STRIP2: variants seen among roughly 807,000 people sequenced by gnomAD.
STRIP2 encodes striatin interacting protein 2, also known as striatin-interacting protein 2.
A neutral mutation model predicts 107.1 loss-of-function variants in STRIP2; 84 were observed. The ratio of observed to expected loss-of-function variants is 0.78; its 90% CI spans 0.66 to 0.94. The LOEUF (loss-of-function observed/expected upper bound fraction) is 0.94, where lower values mean the gene tolerates loss of function less well. Ranked by LOEUF, STRIP2 falls within the 40% of genes least tolerant of loss-of-function variation. The probability of loss-of-function intolerance (pLI) is 0.00; values close to 1 mark genes in which losing one functional copy is unlikely to be tolerated. For synonymous variants in STRIP2, 394 were observed against 400.4 expected (o/e 0.98, Z 0.19); for missense variants, 888 against 1,034.2 (o/e 0.86, Z 1.94).
At position 129,483,521 on chromosome 7, in the gene STRIP2, C is replaced by G; in HGVS notation, c.2254+475C>G. 2 of 184,614 alleles carry G rather than the reference C, an allele frequency of 1.1e-5. No individual in the cohort carries two copies. The highest frequency in any genetic ancestry group is 2.1e-5 in the Non-Finnish European group (2 of 97,382). 11.4% of individuals were successfully genotyped at this position (184,614 alleles called of 1,614,324 possible). A position where few individuals can be genotyped will look rare whatever the true frequency, so the allele number is the denominator to read the frequency against. ...CTATGCATATACATGCATATTTTAT[C>G]AAAATGAAAGCAAGTTATGTATGCT... On this transcript the variant is annotated intron_variant, in intron 20 of 20. Transcript: ENST00000249344. This position sits in a 1 kb window ranked among gnomAD's most constrained non-coding sequence, Gnocchi z 5.1.
chr7:129,459,767 C>G (rs532218978), intron 12 of STRIP2, among the ~76,000 whole-genome samples, 187 bp downstream of exon 12: 1 of 152,308 alleles, frequency 6.6e-6, no homozygotes, highest in African/African-American at 2.4e-5. Flanking sequence ...TTCCTATATT[C>G]AGGTAGATTT....
chr7:129,455,145 G>A lies in STRIP2; in HGVS notation c.707-99G>A, dbSNP rs971246905. Reference sequence around the variant, plus strand: ...AGTACTCTGGTATTCTTCAGGGGAGGTGAGTGCCTTCCTGTGTGTGTCCAG... The same window carrying A: ...AGTACTCTGGTATTCTTCAGGGGAGATGAGTGCCTTCCTGTGTGTGTCCAG... On this transcript the variant is annotated intron_variant, in intron 7 of 20. Coordinates refer to ENST00000249344, the MANE Select transcript of STRIP2 (RefSeq NM_020704.3). The A allele has an allele frequency of 5.0e-6, 7 of 1,408,470 alleles. No individual in the cohort carries two copies. In the Middle Eastern group the frequency reaches 7.5e-4, roughly 150 times the overall value. 87.2% of individuals were successfully genotyped at this position (1,408,470 alleles called of 1,614,324 possible).
chr7:129,480,772 T>G lies in STRIP2; in HGVS notation c.1945-13T>G, dbSNP rs756032047. On this transcript the variant is annotated splice_polypyrimidine_tract_variant and intron_variant, in intron 18 of 20. Transcript: ENST00000249344. Reference sequence around the variant, plus strand: ...GTAGGTATTAAGATAATGATGGATGTTCCCTACTATAGGAAGCTGGAGACA... The same window carrying G: ...GTAGGTATTAAGATAATGATGGATGGTCCCTACTATAGGAAGCTGGAGACA... 8 of 1,603,736 alleles carry G rather than the reference T, an allele frequency of 5.0e-6. No homozygotes were observed. In the Admixed American group the frequency reaches 1.4e-4, roughly 27 times the overall value.
In STRIP2 at chr7:129,483,466, A is replaced by G. The variant is rs1799177521; in HGVS notation, c.2254+420A>G. On this transcript the variant is annotated intron_variant, in intron 20 of 20. Transcript: ENST00000249344. The surrounding 1 kb of genome is among the most constrained non-coding windows in gnomAD (Gnocchi z 5.1). ...CTATGCAGAAATTGCCACCATTAAC[A>G]TCTTATTGTATATTCCTCCAGATCT... 3 of 351,016 alleles carry G rather than the reference A, an allele frequency of 8.5e-6. No individual in the cohort carries two copies. Among genetic ancestry groups the G allele is most frequent in the Non-Finnish European group, 1.2e-5 (3 of 246,944 alleles). The allele number at this position is 351,016 out of a possible 1,614,324, so 21.7% of individuals were successfully genotyped here.
At chr7:129,440,989 G>A (rs1374261824) in intron 2 of STRIP2, among the ~76,000 whole-genome samples, 1 of 151,892 alleles carries the variant, frequency 6.6e-6, no homozygotes, top group East Asian at 1.9e-4. Flanking sequence ...CAAAGGATTA[G>A]AATTCATAAT....
chr7:129,442,366 A>AT, intron 2 of STRIP2, among the ~76,000 whole-genome samples: 1 of 152,362 alleles, frequency 6.6e-6, no homozygotes, highest in East Asian at 1.9e-4. Context: ...ATATGTGCAT[A>AT]TAGCAAAAGT....
At chr7:129,481,830 A>G (rs1294976414) in intron 19 of STRIP2, among the ~76,000 whole-genome samples, 2 of 152,232 alleles carry the variant, frequency 1.3e-5, no homozygotes, top group Non-Finnish European at 2.9e-5. Context: ...AACCAGGTAT[A>G]GAACAGTGTG....
chr7:129,434,928 C>G (rs1230920075), intron 1 of STRIP2, among the ~76,000 whole-genome samples: 1 of 152,240 alleles, frequency 6.6e-6, no homozygotes, highest in Non-Finnish European at 1.5e-5. Flanking sequence ...ATTCCGATCC[C>G]AGTTTATAGA....
rs185968884 is a variant in STRIP2, at chr7:129,464,277, C to G, written c.1649+136C>G. ...TCCCCGTCTCTGCCCACCAGTACCC[C>G]CTTTCCCGTACAGGGCTTTCTGCTT... On this transcript the variant is annotated intron_variant, in intron 15 of 20. Coordinates refer to ENST00000249344, the MANE Select transcript of STRIP2 (RefSeq NM_020704.3). The G allele has an allele frequency of 5.5e-6, 4 of 721,602 alleles. No individual in the cohort carries two copies. The African/African-American group carries it at 7.0e-5, about 13-fold the overall frequency. 44.7% of individuals were successfully genotyped at this position (721,602 alleles called of 1,614,324 possible). A position where few individuals can be genotyped will look rare whatever the true frequency, so the allele number is the denominator to read the frequency against.
intron 15 of STRIP2, 21 bp from the exon 16 acceptor site, chr7:129,464,591 T>C (rs77844712): frequency 2.5e-4 from 408 of 1,613,810 alleles, no homozygotes; most frequent in Non-Finnish European, 3.3e-4. Flanking sequence ...TCTGCACTAA[T>C]ACCTTCTCTC....
intron 13 of STRIP2, 115 bp downstream of exon 13, chr7:129,460,487 G>C (rs532129082): frequency 5.8e-6 from 5 of 858,210 alleles, no homozygotes; most frequent in Middle Eastern, 4.4e-4. Flanking sequence ...CTGTGTTCCA[G>C]GCAAGACAAG....
chr7:129,439,662 CTCTT>C (rs1399518281), intron 1 of STRIP2, among the ~76,000 whole-genome samples: 1 of 152,138 alleles, frequency 6.6e-6, no homozygotes. Context: ...GAATCCAGTT[CTCTT>C]TGTTTCTGTC....
chr7:129,483,423 AT>A lies in STRIP2; in HGVS notation c.2254+380del. The stretch of plus-strand genomic sequence containing the variant: ...GTAAACAAACATTTTACTATATTAT[AT>A]TTATGCCATATTTGTACTATGCAGA... On this transcript the variant is annotated intron_variant, in intron 20 of 20. Coordinates refer to ENST00000249344, the MANE Select transcript of STRIP2 (RefSeq NM_020704.3). The surrounding 1 kb of genome is among the most constrained non-coding windows in gnomAD (Gnocchi z 5.1). 1 of 710,096 alleles carries A rather than the reference AT, an allele frequency of 1.4e-6. No individual in the cohort carries two copies. The highest frequency in any genetic ancestry group is 1.8e-6 in the Non-Finnish European group (1 of 565,124). The allele number at this position is 710,096 out of a possible 1,614,324, so 44.0% of individuals were successfully genotyped here. A position where few individuals can be genotyped will look rare whatever the true frequency, so the allele number is the denominator to read the frequency against.
intron 1 of STRIP2, among the ~76,000 whole-genome samples, chr7:129,435,781 C>T (rs1010677290): frequency 1.2e-4 from 18 of 152,028 alleles, no homozygotes; most frequent in Non-Finnish European, 2.4e-4. Context: ...CTATCATCAT[C>T]ATCATCATCA....
intron 20 of STRIP2, 54 bp from the exon 21 acceptor site, chr7:129,485,525 A>C: frequency 6.2e-7 from 1 of 1,600,374 alleles, no homozygotes; most frequent in Non-Finnish European, 8.5e-7. Flanking sequence ...CTCTGTGATA[A>C]GAGGAGCAGT....
At chr7:129,463,579 T>C (rs1335781821) in intron 14 of STRIP2, among the ~76,000 whole-genome samples, 1 of 151,046 alleles carries the variant, frequency 6.6e-6, no homozygotes, top group Non-Finnish European at 1.5e-5. Flanking sequence ...CACTGCAACC[T>C]CCACCTCCCA....
At chr7:129,463,107 C>T in intron 14 of STRIP2, 67 bp downstream of exon 14, 1 of 1,323,444 alleles carries the variant, frequency 7.6e-7, no homozygotes, top group East Asian at 2.3e-5. Flanking sequence ...AAAACCATTT[C>T]AAGTGGACCT....
Position 129,476,885 on chromosome 7 carries a change from A to G in STRIP2, c.1945-3900A>G, listed in dbSNP as rs549909164. Among the ~76,000 whole-genome samples the G allele has an allele frequency of 6.0e-3, 911 of 151,592 alleles. 9 individuals are homozygous for G. The highest frequency in any genetic ancestry group is 0.021 in the African/African-American group (866 of 41,376). Reference sequence around the variant, plus strand: ...GCCACTGCACTCCAGCCTGGGCAACATTGAGCACTGAGTGAACGAGACTCC... The same window carrying G: ...GCCACTGCACTCCAGCCTGGGCAACGTTGAGCACTGAGTGAACGAGACTCC... On this transcript the variant is annotated intron_variant, in intron 18 of 20. Coordinates refer to ENST00000249344, the MANE Select transcript of STRIP2 (RefSeq NM_020704.3).
rs139335225 is a variant in STRIP2, at chr7:129,458,118, C to G, written c.1039-97C>G. ...AAGGGCTGTGTTCAGATTCCATGTT[C>G]CCTGAAATGTGGAGGCCTGTGGATA... On this transcript the variant is annotated intron_variant, in intron 9 of 20. Coordinates refer to ENST00000249344, the MANE Select transcript of STRIP2 (RefSeq NM_020704.3). The surrounding 1 kb of genome is among the most constrained non-coding windows in gnomAD (Gnocchi z 4.6). The G allele has an allele frequency of 1.6e-3, 1,431 of 902,144 alleles. 19 individuals are homozygous for G. The African/African-American group carries it at 0.021, about 13-fold the overall frequency. The allele number at this position is 902,144 out of a possible 1,614,324, so 55.9% of individuals were successfully genotyped here. A position where few individuals can be genotyped will look rare whatever the true frequency, so the allele number is the denominator to read the frequency against.
Sources: allele counts gnomAD v4.1 joint callset (sites outside exome capture counted in the v4.1 genomes callset), GRCh38; gene constraint gnomAD v4.1.1; non-coding constraint Gnocchi (gnomAD v3.1); transcripts MANE v1.5; gene names NCBI Gene and HGNC (gene_info 2026-07-23, HGNC 2026-07-21).